The following MBOAT2 variants were observed in gnomAD, a reference collection of about 807,000 sequenced individuals.
MBOAT2 encodes the protein membrane bound glycerophospholipid O-acyltransferase 2.
In MBOAT2, 28 loss-of-function variants were observed where a neutral mutation model predicts 63.4. The ratio of observed to expected loss-of-function variants is 0.44; its 90% CI spans 0.33 to 0.61. The LOEUF is 0.61. MBOAT2 is among the 20% of genes least tolerant of loss of function. The pLI is 0.03. For synonymous variants in MBOAT2, 211 were observed against 215.6 expected (o/e 0.98, Z 0.19); for missense variants, 470 against 605.8 (o/e 0.78, Z 2.35).
intron 1 of MBOAT2, among the ~76,000 whole-genome samples, chr2:8,959,724 A>C (rs1292215914): frequency 6.6e-6 from 1 of 152,122 alleles, no homozygotes; most frequent in Non-Finnish European, 1.5e-5. Flanking sequence ...CTGCCTCCCA[A>C]AGTGCTGGGA....
intron 1 of MBOAT2, among the ~76,000 whole-genome samples, chr2:8,980,751 A>G (rs549508378): frequency 6.6e-6 from 1 of 152,316 alleles, no homozygotes; most frequent in Admixed American, 6.5e-5. Flanking sequence ...GAACTCCCAC[A>G]CACTGCTGAT....
At chr2:8,891,827 T>C (rs778556491) in intron 4 of MBOAT2, among the ~76,000 whole-genome samples, 25 of 152,200 alleles carry the variant, frequency 1.6e-4, no homozygotes, top group Non-Finnish European at 2.6e-4. Context: ...TTTCCTTCTA[T>C]AGGACAACAT....
At chr2:8,890,287 C>T (rs1663894444) in intron 4 of MBOAT2, among the ~76,000 whole-genome samples, 1 of 152,194 alleles carries the variant, frequency 6.6e-6, no homozygotes, top group Non-Finnish European at 1.5e-5. Flanking sequence ...CCTGTGCCCA[C>T]AAAAACACAC....
chr2:8,970,837 C>T (rs1419764761), intron 1 of MBOAT2, among the ~76,000 whole-genome samples: 2 of 152,204 alleles, frequency 1.3e-5, no homozygotes, highest in East Asian at 1.9e-4. Flanking sequence ...AGTTGAATCT[C>T]TGAATAGACC....
chr2:8,976,377 G>T (rs377760194), intron 1 of MBOAT2, among the ~76,000 whole-genome samples: 28 of 152,008 alleles, frequency 1.8e-4, no homozygotes, highest in East Asian at 5.8e-4. Flanking sequence ...AAATTAAAAG[G>T]TACTAGATTA....
At chr2:8,936,430 A>G (rs1211375699) in intron 3 of MBOAT2, among the ~76,000 whole-genome samples, 1 of 152,254 alleles carries the variant, frequency 6.6e-6, no homozygotes, top group Non-Finnish European at 1.5e-5. Context: ...CATACACAGC[A>G]AGGCAACCCA....
chr2:8,868,015 A>G (rs927180049), intron 9 of MBOAT2, among the ~76,000 whole-genome samples: 22 of 152,104 alleles, frequency 1.4e-4, no homozygotes, highest in Non-Finnish European at 7.3e-5. Context: ...AAGCAACATG[A>G]GCTGCACAGC....
intron 2 of MBOAT2, among the ~76,000 whole-genome samples, chr2:8,956,518 T>C (rs980407773): frequency 3.9e-5 from 6 of 152,002 alleles, no homozygotes; most frequent in African/African-American, 1.5e-4. Context: ...TTGGACAACA[T>C]AGCAAAACTC....
At chr2:8,922,112 C>T (rs187644898) in intron 3 of MBOAT2, among the ~76,000 whole-genome samples, 1 of 152,210 alleles carries the variant, frequency 6.6e-6, no homozygotes, top group Non-Finnish European at 1.5e-5. Flanking sequence ...CTTTGATATA[C>T]CCTTAAGTTC....
chr2:8,906,687 G>A (rs769065907), intron 4 of MBOAT2, among the ~76,000 whole-genome samples: 6 of 152,212 alleles, frequency 3.9e-5, no homozygotes, highest in Non-Finnish European at 2.9e-5. Context: ...AATAGCTGAC[G>A]AGGAAAATAA....
At chr2:8,965,916 C>T (rs562775404) in intron 1 of MBOAT2, among the ~76,000 whole-genome samples, 4 of 152,192 alleles carry the variant, frequency 2.6e-5, no homozygotes, top group East Asian at 3.9e-4. Context: ...TTCAATATAG[C>T]GCAAAGTGAT....
intron 3 of MBOAT2, among the ~76,000 whole-genome samples, chr2:8,919,879 C>G (rs1666452529): frequency 6.6e-6 from 1 of 152,036 alleles, no homozygotes. Flanking sequence ...CTTAGCCTCC[C>G]AAGCAGCTAG....
rs766486740 is a variant in MBOAT2, at chr2:8,908,673, C to T, written c.343G>A (p.Val115Ile). The T allele has an allele frequency of 1.1e-4, 173 of 1,612,188 alleles. No individual in the cohort carries two copies. The Middle Eastern group carries it at 3.0e-3, about 28-fold the overall frequency. Reference sequence around the variant, plus strand: ...TAGTCAAAGATATAGACTCGAGTAACTTGGCACACTGTGAGGTATCCCAGA... The same window carrying T: ...TAGTCAAAGATATAGACTCGAGTAATTTGGCACACTGTGAGGTATCCCAGA... ...FALGYLTVCQVTRVYIFDYGQ... is the reference protein window; with the variant it reads ...FALGYLTVCQITRVYIFDYGQ... Residue 115 changes from valine (V) to isoleucine (I), a missense_variant, in exon 4 of 13, where the codon GTT becomes ATT. This residue lies in a region of MBOAT2 where 376 missense variants were observed against 503.8 expected (regional missense o/e 0.75). Transcript: ENST00000305997.
intron 4 of MBOAT2, among the ~76,000 whole-genome samples, chr2:8,888,883 A>G (rs1663766881): frequency 6.6e-6 from 1 of 152,190 alleles, no homozygotes; most frequent in Admixed American, 6.5e-5. Flanking sequence ...ATAAAATAAA[A>G]TAAGAATAAA....
chr2:8,881,768 C>T (rs1020119891), intron 6 of MBOAT2, among the ~76,000 whole-genome samples: 1 of 151,942 alleles, frequency 6.6e-6, no homozygotes, highest in African/African-American at 2.4e-5. Context: ...AAAAAGACCC[C>T]CAAGACATGC....
chr2:8,950,501 C>T (rs569461535), intron 2 of MBOAT2, among the ~76,000 whole-genome samples: 1 of 152,284 alleles, frequency 6.6e-6, no homozygotes, highest in South Asian at 2.1e-4. Context: ...GATCTCAGCT[C>T]ACTGCAAGCT....
intron 1 of MBOAT2, among the ~76,000 whole-genome samples, chr2:8,982,301 T>C (rs1274756657): frequency 6.6e-6 from 1 of 152,098 alleles, no homozygotes; most frequent in African/African-American, 2.4e-5. Context: ...GTACTACACT[T>C]CACAAAAAAA....
chr2:8,859,343 C>T (rs751274522), intron 12 of MBOAT2, among the ~76,000 whole-genome samples: 43 of 152,238 alleles, frequency 2.8e-4, no homozygotes, highest in African/African-American at 8.2e-4. Flanking sequence ...AATATTCTAA[C>T]GGAGGGGAGT....
At chr2:8,981,254 T>G (rs1282250097) in intron 1 of MBOAT2, among the ~76,000 whole-genome samples, 3 of 152,156 alleles carry the variant, frequency 2.0e-5, no homozygotes, top group African/African-American at 7.2e-5. Context: ...TAGACAGCAG[T>G]GATAGTTGCA....
Sources: allele counts gnomAD v4.1 joint callset (sites outside exome capture counted in the v4.1 genomes callset), GRCh38; gene constraint gnomAD v4.1.1; regional missense constraint gnomAD v4.1.1; transcripts MANE v1.5; gene names NCBI Gene and HGNC (gene_info 2026-07-23, HGNC 2026-07-21).